MUC5B: variants seen among roughly 807,000 people sequenced by gnomAD.
MUC5B encodes the protein mucin 5B, oligomeric mucus/gel-forming.
A neutral mutation model predicts 376.9 loss-of-function variants in MUC5B; 116 were observed. That is an observed-to-expected ratio of 0.31 (90% CI 0.26 to 0.36). MUC5B has a LOEUF of 0.36. MUC5B is among the 10% of genes least tolerant of loss of function. MUC5B has a pLI of 1.00. For missense variants in MUC5B, 7,165 were observed against 7,769.9 expected (o/e 0.92, Z 2.93); for synonymous variants, 3,517 against 3,390.9 (o/e 1.04, Z -1.29).
intron 1 of MUC5B, among the ~76,000 whole-genome samples, chr11:1,224,624 G>A (rs986994181): frequency 5.3e-5 from 8 of 151,812 alleles, no homozygotes; most frequent in South Asian, 2.1e-4. Context: ...GAGCCGGGGC[G>A]TGGGAGTGGC....
At position 1,241,739 on chromosome 11, in the gene MUC5B, C is replaced by T. The variant is rs892162544; in HGVS notation, c.4859C>T (p.Thr1620Ile). The T allele has an allele frequency of 1.2e-6, 2 of 1,612,102 alleles. No individual in the cohort carries two copies. The highest frequency in any genetic ancestry group is 2.2e-5 in the East Asian group (1 of 44,838). ...CCGACCACAGAGCTGGAGACGGCCACCACCACCACCACCCAGGCCCTGTTC... is the reference window on the plus strand; with the variant it reads ...CCGACCACAGAGCTGGAGACGGCCATCACCACCACCACCCAGGCCCTGTTC... The part of the protein sequence containing the change: ...PPPTTELETA[T>I]TTTTQALFST... Residue 1620 changes from threonine to isoleucine, a missense_variant, in exon 31 of 49, where the codon ACC becomes ATC. Around this residue, in one of 31 missense-constraint regions of MUC5B, gnomAD observed 897 missense variants for 779.6 expected, o/e 1.15. Coordinates refer to ENST00000529681, the MANE Select transcript of MUC5B (RefSeq NM_002458.3).
chr11:1,251,003 T>C lies in MUC5B; in HGVS notation c.14123T>C (p.Val4708Ala), dbSNP rs542239852. Residue 4708 changes from valine (V) to alanine (A), a missense_variant, in exon 31 of 49, where the codon GTG (valine) becomes GCG (alanine). By Grantham distance (64) the Val-to-Ala change is moderately conservative. Around this residue, in one of 31 missense-constraint regions of MUC5B, gnomAD observed 730 missense variants for 592.7 expected, o/e 1.23. Coordinates refer to ENST00000529681, the MANE Select transcript of MUC5B (RefSeq NM_002458.3). ...STPGTTPITPVLTSTATTPAA... is the reference protein window; with the variant it reads ...STPGTTPITPALTSTATTPAA... The stretch of plus-strand genomic sequence containing the variant: ...CCAGGGACAACACCCATCACCCCAG[T>C]GCTGACCAGCACGGCCACCACACCC... 2 of 1,608,290 alleles carry C rather than the reference T, an allele frequency of 1.2e-6. No homozygotes were observed. Among genetic ancestry groups the C allele is most frequent in the Non-Finnish European group, 1.7e-6 (2 of 1,176,612 alleles).
In MUC5B at chr11:1,240,372, AC is replaced by A; in HGVS notation, c.3968del (p.Thr1323LysfsTer42). On this transcript the variant is annotated frameshift_variant and splice_region_variant, in exon 30 of 49. Coordinates refer to ENST00000529681, the MANE Select transcript of MUC5B (RefSeq NM_002458.3). LOFTEE classifies it high-confidence loss of function. Reference protein sequence around the residue: ...FTTAWVPHSTTSPALPVSTVC... With the variant: ...FTTAWVPHSTXSPALPVSTVC... ...CACCGCCTGGGTCCCCCACTCCACG[AC>A]AAGTAAGCCCTGCCTGGCTCTCCTG... is the stretch of plus-strand genomic sequence containing the variant. 1 of 1,594,316 alleles carries A rather than the reference AC, an allele frequency of 6.3e-7. No homozygotes were observed. Among genetic ancestry groups the A allele is most frequent in the Non-Finnish European group, 8.6e-7 (1 of 1,166,870 alleles).
Position 1,251,544 on chromosome 11 carries a change from A to C in MUC5B, c.14664A>C (p.Thr4888=). 5 of 1,601,254 alleles carry C rather than the reference A, an allele frequency of 3.1e-6. No homozygotes were observed. The highest frequency in any genetic ancestry group is 4.3e-6 in the Non-Finnish European group (5 of 1,172,154). ...TGACCACCATGGCCACTATGCCCAC[A>C]GCCACTGCCTCCACGGTTCCCAGCT... ...KVVTTMATMP[T]ATASTVPSSS... The change falls in exon 31 of 49, where the codon ACA becomes ACC. Residue 4888 remains threonine, a synonymous_variant. Coordinates refer to ENST00000529681, the MANE Select transcript of MUC5B (RefSeq NM_002458.3).
chr11:1,235,722 G>T (rs1323747543), intron 23 of MUC5B, among the ~76,000 whole-genome samples: 2 of 152,144 alleles, frequency 1.3e-5, no homozygotes, highest in South Asian at 2.1e-4. Flanking sequence ...GTGGCCTCCC[G>T]CTGTGTCTGC....
rs769828162 is a variant in MUC5B at position 1,245,938 on chromosome 11, C to A, written c.9058C>A (p.Pro3020Thr). The change falls in exon 31 of 49, where the codon CCC (proline) becomes ACC (threonine). Residue 3020 changes from proline (P) to threonine (T), a missense_variant. By Grantham distance (38) the Pro-to-Thr change is conservative. Transcript: ENST00000529681. ...CCCGTCCTCCACCCCGGGAACAGCT[C>A]CCCCTCCCAAAGTGCTGACCAGCAC... ...AIPSSTPGTA[P>T]PPKVLTSTAT... 3.1e-6 allele frequency: 5 copies of A among 1,611,036 alleles called. No homozygotes were observed. The South Asian group carries it at 5.5e-5, about 18-fold the overall frequency.
chr11:1,258,149 C>A lies in MUC5B; in HGVS notation c.16501C>A (p.Gln5501Lys). ...GAGCCTGCCTGTGTGCCCGCCAGGG[C>A]AGGAGTCCATCTGCACCCAGGAGGA... ...PQSLPVCPPG[Q>K]ESICTQEEGD... Residue 5501 changes from glutamine (Q) to lysine (K), a missense_variant, in exon 42 of 49, where the codon CAG becomes AAG. This residue lies in a region of MUC5B where 842 missense variants were observed against 1,016.9 expected (regional missense o/e 0.83). Transcript: ENST00000529681. The surrounding 1 kb of genome is among the most constrained non-coding windows in gnomAD (Gnocchi z 5.5). The A allele has an allele frequency of 6.2e-7, 1 of 1,602,338 alleles. No individual in the cohort carries two copies. The highest frequency in any genetic ancestry group is 8.5e-7 in the Non-Finnish European group (1 of 1,176,390).
intron 23 of MUC5B, among the ~76,000 whole-genome samples, chr11:1,235,877 C>G (rs1247621748): frequency 6.6e-6 from 1 of 152,052 alleles, no homozygotes; most frequent in Non-Finnish European, 1.5e-5. Context: ...TGCTTTCTCC[C>G]AGTGAGGGCC....
In MUC5B at chr11:1,225,682, G is replaced by T; in HGVS notation, c.72G>T (p.Glu24Asp). The T allele has an allele frequency of 6.2e-7, 1 of 1,601,322 alleles. No individual in the cohort carries two copies. Residue 24 changes from glutamate (E) to aspartate (D), a missense_variant and splice_region_variant, in exon 2 of 49, where the codon GAG (glutamate) becomes GAT (aspartate). Physicochemically the swap from Glu to Asp is conservative, Grantham distance 45 (BLOSUM62 2). Coordinates refer to ENST00000529681, the MANE Select transcript of MUC5B (RefSeq NM_002458.3). ...LAAMLVVPQA[E>D]TQGPVEPSWE... is the part of the protein sequence containing the mutation. Reference sequence around the variant, plus strand: ...GACTCCCATTCCCTCTTCCCACAGAGACCCAGGGCCCTGTGGAGCCGAGCT... The same window carrying T: ...GACTCCCATTCCCTCTTCCCACAGATACCCAGGGCCCTGTGGAGCCGAGCT...
chr11:1,244,298 C>A lies in MUC5B; in HGVS notation c.7418C>A (p.Thr2473Asn). 1 of 1,607,104 alleles carries A rather than the reference C, an allele frequency of 6.2e-7. No individual in the cohort carries two copies. Among genetic ancestry groups the A allele is most frequent in the Non-Finnish European group, 8.5e-7 (1 of 1,177,190 alleles). ...CTCACAGAGCCGAGCACTACAGCCA[C>A]CGTGACGGTGCCCACCGGATCCACG... ...WILTEPSTTA[T>N]VTVPTGSTAT... The change falls in exon 31 of 49, where the codon ACC (threonine) becomes AAC (asparagine). Residue 2473 changes from threonine to asparagine, a missense_variant. Coordinates refer to ENST00000529681, the MANE Select transcript of MUC5B (RefSeq NM_002458.3).
chr11:1,230,816 G>T, intron 12 of MUC5B, 120 bp from the exon 13 acceptor site: 1 of 1,241,056 alleles, frequency 8.1e-7, no homozygotes, highest in Non-Finnish European at 1.1e-6. Flanking sequence ...GCAGGTCCAG[G>T]TCTGAGCTTC....
rs1359404975 is a variant in MUC5B, at chr11:1,224,725, AC to A, written c.71-954del. 2.6e-5 allele frequency among the ~76,000 whole-genome samples: 4 copies of A among 152,198 alleles called. No individual in the cohort carries two copies. The East Asian group carries it at 7.7e-4, about 29-fold the overall frequency. ...GCTGGCTTTCTGGGAAAGGCAGTCA[AC>A]CTGGATCTCTGGAGGCGGCCCCTGT... On this transcript the variant is annotated intron_variant, in intron 1 of 48. Coordinates refer to ENST00000529681, the MANE Select transcript of MUC5B (RefSeq NM_002458.3).
rs1862577819 is a variant in MUC5B, at chr11:1,248,779, C to G, written c.11899C>G (p.Pro3967Ala). 1 of 1,550,068 alleles carries G rather than the reference C, an allele frequency of 6.5e-7. No individual in the cohort carries two copies. Among genetic ancestry groups the G allele is most frequent in the Non-Finnish European group, 8.7e-7 (1 of 1,146,250 alleles). Residue 3967 changes from proline (P) to alanine (A), a missense_variant, in exon 31 of 49, where the codon CCA becomes GCA. Pro to Ala is a conservative substitution (Grantham distance 27). Transcript: ENST00000529681. ...TGSTTNPSST[P>A]GTTPIPPVLT... ...CTCCACCACCAACCCCTCCTCAACT[C>G]CAGGGACAACACCTATCCCCCCAGT...
At position 1,251,241 on chromosome 11, in the gene MUC5B, C is replaced by T. The variant is rs1318193292; in HGVS notation, c.14361C>T (p.Thr4787=). Residue 4787 remains threonine (T), a synonymous_variant, in exon 31 of 49, where the codon ACC becomes ACT. Transcript: ENST00000529681. ...ACACCTCCTCTACTCCAGAGACCAC[C>T]CACACCTCCACAGTGCTGACCACCA... ...TIHTSSTPET[T]HTSTVLTTTA... 6 of 1,611,226 alleles carry T rather than the reference C, an allele frequency of 3.7e-6. No individual in the cohort carries two copies. The highest frequency in any genetic ancestry group is 5.1e-6 in the Non-Finnish European group (6 of 1,178,266).
chr11:1,250,961 C>A lies in MUC5B; in HGVS notation c.14081C>A (p.Thr4694Asn). The A allele has an allele frequency of 6.2e-7, 1 of 1,610,912 alleles. No individual in the cohort carries two copies. Among genetic ancestry groups the A allele is most frequent in the Non-Finnish European group, 8.5e-7 (1 of 1,178,176 alleles). The change falls in exon 31 of 49, where the codon ACC becomes AAC. Residue 4694 changes from threonine to asparagine, a missense_variant. This residue lies in a region of MUC5B where 730 missense variants were observed against 592.7 expected (regional missense o/e 1.23). Transcript: ENST00000529681. ...ACGATCACGGCCACCGGCTCCACCA[C>A]CAACCCCTCCTCAACTCCAGGGACA... Reference protein sequence around the residue: ...ATTITATGSTTNPSSTPGTTP... With the variant: ...ATTITATGSTNNPSSTPGTTP...
chr11:1,261,513 G>A lies in MUC5B; in HGVS notation c.17194G>A (p.Val5732Met), dbSNP rs1285976380. The A allele has an allele frequency of 4.4e-6, 7 of 1,605,002 alleles. No homozygotes were observed. The highest frequency in any genetic ancestry group is 2.2e-5 in the East Asian group (1 of 44,458). The change falls in exon 49 of 49, where the codon GTG becomes ATG. Residue 5732 changes from valine to methionine, a missense_variant. Transcript: ENST00000529681. ...AGCCATCCTGCACACCTACACCCAC[G>A]TGGATGAGTGTGGCTGCACGCCCTT... ...GSAILHTYTH[V>M]DECGCTPFCV... is the part of the protein sequence containing the mutation.
chr11:1,240,815 T>A (rs56166347), intron 30 of MUC5B, 36 bp from the exon 31 acceptor site: 15 of 1,559,620 alleles, frequency 9.6e-6, no homozygotes, highest in Non-Finnish European at 1.3e-5. Flanking sequence ...GACTGGAGGA[T>A]GCTGAGCCAG....
In MUC5B at chr11:1,239,000, G is replaced by A. The variant is rs373628456; in HGVS notation, c.3427G>A (p.Val1143Met). Residue 1143 changes from valine to methionine, a missense_variant, in exon 26 of 49, where the codon GTG becomes ATG. By Grantham distance (21) the Val-to-Met change is conservative. This residue lies in a region of MUC5B where 143 missense variants were observed against 193.2 expected (regional missense o/e 0.74). Coordinates refer to ENST00000529681, the MANE Select transcript of MUC5B (RefSeq NM_002458.3). Reference protein sequence around the residue: ...AQACHDAGLCVSWRTPDTCPL... With the variant: ...AQACHDAGLCMSWRTPDTCPL... ...GGCCTGCCACGACGCGGGCCTGTGT[G>A]TGTCCTGGCGGACTCCGGACACCTG... 2.5e-6 allele frequency: 4 copies of A among 1,573,004 alleles called. No individual in the cohort carries two copies. Among genetic ancestry groups the A allele is most frequent in the African/African-American group, 2.7e-5 (2 of 74,202 alleles).
Position 1,245,116 on chromosome 11 carries a change from C to G in MUC5B, c.8236C>G (p.Pro2746Ala). The G allele has an allele frequency of 1.3e-6, 2 of 1,537,610 alleles. No individual in the cohort carries two copies. Among genetic ancestry groups the G allele is most frequent in the South Asian group, 2.4e-5 (2 of 84,358 alleles). ...SSALGTTHTP[P>A]VPNTTATTHG... Reference sequence around the variant, plus strand: ...TGCCCTAGGGACCACCCACACACCCCCAGTGCCGAACACCACGGCCACCAC... The same window carrying G: ...TGCCCTAGGGACCACCCACACACCCGCAGTGCCGAACACCACGGCCACCAC... The change falls in exon 31 of 49, where the codon CCA becomes GCA. Residue 2746 changes from proline to alanine, a missense_variant. This residue lies in a region of MUC5B where 70 missense variants were observed against 169.1 expected (regional missense o/e 0.41). Transcript: ENST00000529681.
Sources: allele counts gnomAD v4.1 joint callset (sites outside exome capture counted in the v4.1 genomes callset), GRCh38; gene constraint gnomAD v4.1.1; regional missense constraint gnomAD v4.1.1; non-coding constraint Gnocchi (gnomAD v3.1); transcripts MANE v1.5; gene names NCBI Gene and HGNC (gene_info 2026-07-23, HGNC 2026-07-21).